FCRL3: variants seen among roughly 807,000 people sequenced by gnomAD.
FCRL3 encodes the protein Fc receptor-like protein 3.
Under a neutral mutation model 75.0 loss-of-function variants are expected in FCRL3, and 89 were observed. That is an observed-to-expected ratio of 1.19 (90% CI 1.00 to 1.42). The LOEUF is 1.42. Among genes scored for constraint, FCRL3 ranks in the 40% most tolerant of loss-of-function variants. FCRL3 has a pLI of 0.00. For synonymous variants in FCRL3, 376 were observed against 348.5 expected, an observed-to-expected ratio of 1.08 and a Z score of -0.88; for missense variants, 946 against 880.0, an observed-to-expected ratio of 1.07 and a Z score of -0.95.
In FCRL3 at chr1:157,691,965, A is replaced by C. The variant is rs200078340; in HGVS notation, c.1412-1432T>G. On this transcript the variant is annotated intron_variant, in intron 8 of 14. Transcript: ENST00000368184. ...GAACATTTAAGAGTATTTCTTTTTG[A>C]GCTTGAAATTTAAAAAGATATTCAG... 2.0e-5 allele frequency: 3 copies of C among 152,334 alleles called. No homozygotes were observed. In the East Asian group the frequency reaches 5.8e-4, roughly 29 times the overall value. The allele number at this position is 152,334 out of a possible 1,614,324, so 9.4% of individuals were successfully genotyped here.
At position 157,679,260 on chromosome 1, in the gene FCRL3, C is replaced by T. The variant is rs781579255; in HGVS notation, c.2027-287G>A. Reference sequence around the variant, plus strand: ...AAGACTTTCCTCTGCCCACCAAATGCCCAGAACTATTTTCATGACAATTTC... The same window carrying T: ...AAGACTTTCCTCTGCCCACCAAATGTCCAGAACTATTTTCATGACAATTTC... On this transcript the variant is annotated intron_variant, in intron 13 of 14. Coordinates refer to ENST00000368184, the MANE Select transcript of FCRL3 (RefSeq NM_052939.4). 34 of 482,674 alleles carry T rather than the reference C, an allele frequency of 7.0e-5. No homozygotes were observed. The South Asian group carries it at 7.9e-4, about 11-fold the overall frequency. 29.9% of individuals were successfully genotyped at this position (482,674 alleles called of 1,614,324 possible).
intron 11 of FCRL3, among the ~76,000 whole-genome samples, chr1:157,681,774 G>T (rs1362619241): frequency 6.6e-6 from 1 of 152,022 alleles, no homozygotes; most frequent in Non-Finnish European, 1.5e-5. Flanking sequence ...GGGATGGCTG[G>T]GTCAAATGGT....
rs1249915827 is a variant in FCRL3, at chr1:157,697,828, T to C, written c.390A>G (p.Gln130=). The C allele has an allele frequency of 3.1e-6, 5 of 1,614,158 alleles. No individual in the cohort carries two copies. The highest frequency in any genetic ancestry group is 4.2e-6 in the Non-Finnish European group (5 of 1,180,038). The stretch of plus-strand genomic sequence containing the variant: ...GTTTTCCATCCTTGTAGTAAACCTT[T>C]TGATGAGTGTTTTTGTTGTCTTTCC... ...CQGKDNKNTH[Q]KVYYKDGKQL... Residue 130 remains glutamine (Q), a synonymous_variant, in exon 5 of 15, where the codon CAA becomes CAG. Transcript: ENST00000368184.
Position 157,698,493 on chromosome 1 carries a change from C to T in FCRL3, c.189G>A (p.Lys63=), listed in dbSNP as rs1336444832. 1.1e-5 allele frequency: 17 copies of T among 1,614,114 alleles called. No individual in the cohort carries two copies. The highest frequency in any genetic ancestry group is 1.4e-5 in the Non-Finnish European group (16 of 1,180,040). ...TCTTGTCATGTTTTATTTTCAACAA[C>T]TTCTCATCGTGATACCAATATGTGT... ...QGDTYWYHDE[K]LLKIKHDKIQ... The change falls in exon 4 of 15, where the codon AAG becomes AAA. Residue 63 remains lysine (K), a synonymous_variant. Transcript: ENST00000368184.
At chr1:157,690,864 T>C (rs908003149) in intron 8 of FCRL3, among the ~76,000 whole-genome samples, 2 of 152,186 alleles carry the variant, frequency 1.3e-5, no homozygotes, top group Non-Finnish European at 2.9e-5. Flanking sequence ...AATCAAGGTT[T>C]CTAAAATTCC....
Position 157,700,505 on chromosome 1 carries a change from A to G in FCRL3, c.-16T>C, listed in dbSNP as rs1175471504. 5.6e-6 allele frequency: 9 copies of G among 1,614,046 alleles called. No individual in the cohort carries two copies. Among genetic ancestry groups the G allele is most frequent in the Non-Finnish European group, 7.6e-6 (9 of 1,179,970 alleles). ...ACAGAAGCATGGGCACCGGCCGGGC[A>G]GAGGGTTGGGAAAGTCTGTCTCACC... is the stretch of plus-strand genomic sequence containing the variant. On this transcript the variant is annotated 5_prime_UTR_variant, in exon 2 of 15. Coordinates refer to ENST00000368184, the MANE Select transcript of FCRL3 (RefSeq NM_052939.4).
At chr1:157,693,105 G>A (rs1655655783) in intron 8 of FCRL3, among the ~76,000 whole-genome samples, 1 of 151,532 alleles carries the variant, frequency 6.6e-6, no homozygotes, top group African/African-American at 2.4e-5. Flanking sequence ...ACGAAAACCC[G>A]TCTCTACTAA....
Position 157,676,863 on chromosome 1 carries a change from A to T in FCRL3, c.*1847T>A. ...GGGCTTGGCAAGGTAATTCCAAATC[A>T]GCAGCAGGGTTAGAAAGGAGGAGAG... On this transcript the variant is annotated 3_prime_UTR_variant, in exon 15 of 15. Transcript: ENST00000368184. 1.3e-6 allele frequency: 2 copies of T among 1,532,056 alleles called. No individual in the cohort carries two copies. The highest frequency in any genetic ancestry group is 1.8e-6 in the Non-Finnish European group (2 of 1,139,202). The allele number at this position is 1,532,056 out of a possible 1,614,324, so 94.9% of individuals were successfully genotyped here.
chr1:157,679,352 T>C (rs1174948598), intron 13 of FCRL3, among the ~76,000 whole-genome samples: 1 of 152,186 alleles, frequency 6.6e-6, no homozygotes, highest in Non-Finnish European at 1.5e-5. Context: ...CAGACTTCTA[T>C]GGCTGTATTG....
In FCRL3 at chr1:157,691,489, A is replaced by G. The variant is rs191442554; in HGVS notation, c.1412-956T>C. On this transcript the variant is annotated intron_variant, in intron 8 of 14. Coordinates refer to ENST00000368184, the MANE Select transcript of FCRL3 (RefSeq NM_052939.4). ...TGTGGAAACTATTCACTGAATGGCA[A>G]TGATTAAACTTGAAAATGAGCCATC... Among the ~76,000 whole-genome samples, 13 of 152,296 alleles carry G rather than the reference A, an allele frequency of 8.5e-5. No homozygotes were observed. In the East Asian group the frequency reaches 2.3e-3, roughly 27 times the overall value.
chr1:157,697,834 A>G lies in FCRL3; in HGVS notation c.384T>C (p.Thr128=), dbSNP rs199550082. The G allele has an allele frequency of 7.4e-6, 12 of 1,614,068 alleles. No homozygotes were observed. In the East Asian group the frequency reaches 2.7e-4, roughly 36 times the overall value. ...LRCQGKDNKN[T]HQKVYYKDGK... is the part of the protein sequence containing the mutation. Reference sequence around the variant, plus strand: ...CATCCTTGTAGTAAACCTTTTGATGAGTGTTTTTGTTGTCTTTCCCCTGAC... The same window carrying G: ...CATCCTTGTAGTAAACCTTTTGATGGGTGTTTTTGTTGTCTTTCCCCTGAC... The change falls in exon 5 of 15, where the codon ACT becomes ACC. Residue 128 remains threonine (T), a synonymous_variant. Transcript: ENST00000368184.
At position 157,683,257 on chromosome 1, in the gene FCRL3, C is replaced by T; in HGVS notation, c.1811-13G>A. ...GCAGAAAGTCCTCCTGCAAAACAAA[C>T]AAAGGAAGGTTGGTGGTAAGTGAGC... On this transcript the variant is annotated splice_polypyrimidine_tract_variant and intron_variant, in intron 10 of 14. Transcript: ENST00000368184. The T allele has an allele frequency of 6.2e-7, 1 of 1,613,316 alleles. No homozygotes were observed. Among genetic ancestry groups the T allele is most frequent in the Non-Finnish European group, 8.5e-7 (1 of 1,179,650 alleles).
chr1:157,684,255 C>T (rs551251335), intron 10 of FCRL3, among the ~76,000 whole-genome samples: 1 of 152,252 alleles, frequency 6.6e-6, no homozygotes, highest in African/African-American at 2.4e-5. Context: ...TCCAGGTTCC[C>T]ATCCTTGTCC....
chr1:157,681,863 T>C lies in FCRL3; in HGVS notation c.1839-764A>G, dbSNP rs574649185. On this transcript the variant is annotated intron_variant, in intron 11 of 14. Coordinates refer to ENST00000368184, the MANE Select transcript of FCRL3 (RefSeq NM_052939.4). The stretch of plus-strand genomic sequence containing the variant: ...AACTAGTTTACAGTCCCACCAACAG[T>C]GTAAAAGTGTTCCTATTTCTCCACA... Among the ~76,000 whole-genome samples, 4 of 152,234 alleles carry C rather than the reference T, an allele frequency of 2.6e-5. No homozygotes were observed. The East Asian group carries it at 7.7e-4, about 29-fold the overall frequency.
At chr1:157,695,931 C>T (rs1030584650) in intron 7 of FCRL3, 109 bp downstream of exon 7, 1 of 146,936 alleles carries the variant, frequency 6.8e-6, no homozygotes, top group South Asian at 1.6e-4. Flanking sequence ...GTCCCCACCC[C>T]CCTCCCCTCC....
chr1:157,681,059 G>T lies in FCRL3; in HGVS notation c.1879C>A (p.Pro627Thr), dbSNP rs778775057. Residue 627 changes from proline (P) to threonine (T), a missense_variant, in exon 12 of 15, where the codon CCT (proline) becomes ACT (threonine). Physicochemically the swap from Pro to Thr is conservative, Grantham distance 38 (BLOSUM62 -1). Coordinates refer to ENST00000368184, the MANE Select transcript of FCRL3 (RefSeq NM_052939.4). ...SECQEPSSSR[P>T]SRIDPQEPTH... The stretch of plus-strand genomic sequence containing the variant: ...GGCTCTTGAGGGTCTATCCTGGAAG[G>T]CCTGGACGAGGAAGGCTCCTGACAC... 3 of 1,602,868 alleles carry T rather than the reference G, an allele frequency of 1.9e-6. No individual in the cohort carries two copies. The Admixed American group carries it at 5.3e-5, about 28-fold the overall frequency.
At position 157,695,393 on chromosome 1, in the gene FCRL3, G is replaced by A. The variant is rs771495059; in HGVS notation, c.1347C>T (p.Tyr449=). The change falls in exon 8 of 15, where the codon TAC becomes TAT. Residue 449 remains tyrosine, a synonymous_variant. Transcript: ENST00000368184. ...CCAGGCCATTGTCTGCATCACAGGA[G>A]TAGTTTCCAGAATGTTCTGCAGTCA... ...LSLTAEHSGN[Y]SCDADNGLGA... 6.2e-7 allele frequency: 1 copy of A among 1,614,260 alleles called. No individual in the cohort carries two copies. Among genetic ancestry groups the A allele is most frequent in the Non-Finnish European group, 8.5e-7 (1 of 1,180,024 alleles).
chr1:157,696,623 T>C, intron 6 of FCRL3: 1 of 402,412 alleles, frequency 2.5e-6, no homozygotes, highest in Non-Finnish European at 4.5e-6. Flanking sequence ...GATGCATCAA[T>C]AAACCACAAA....
At position 157,690,262 on chromosome 1, in the gene FCRL3, A is replaced by T. The variant is rs768603980; in HGVS notation, c.1683T>A (p.Asn561Lys). The stretch of plus-strand genomic sequence containing the variant: ...CAGGTACTATTAACACACCTGTAAC[A>T]TTGAGTGTCACCACTTTACTGTGCT... ...GAQHSKVVTL[N>K]VTGTSRNRTG... Residue 561 changes from asparagine (N) to lysine (K), a missense_variant, in exon 9 of 15, where the codon AAT (asparagine) becomes AAA (lysine). Coordinates refer to ENST00000368184, the MANE Select transcript of FCRL3 (RefSeq NM_052939.4). The T allele has an allele frequency of 2.5e-6, 4 of 1,614,204 alleles. No homozygotes were observed. Among genetic ancestry groups the T allele is most frequent in the South Asian group, 2.2e-5 (2 of 91,082 alleles).
Sources: gnomAD v4.1 joint callset for allele counts (sites outside exome capture counted in the v4.1 genomes callset) on GRCh38, gnomAD v4.1.1 for gene constraint, MANE v1.5 for transcripts, NCBI Gene and HGNC (gene_info 2026-07-23, HGNC 2026-07-21) for gene names.